The following MMP26 variants were observed in gnomAD, a reference collection of about 807,000 sequenced individuals.
The protein encoded by MMP26 is matrix metalloproteinase-26.
Under a neutral mutation model 31.0 loss-of-function variants are expected in MMP26, and 33 were observed. That is an observed-to-expected ratio of 1.06 (90% confidence interval 0.81 to 1.42). The LOEUF (loss-of-function observed/expected upper bound fraction) is 1.42. Among genes scored for constraint, MMP26 ranks in the 40% most tolerant of loss-of-function variants. The pLI is 0.00. For missense variants in MMP26, 347 were observed against 316.1 expected (o/e 1.10, Z -0.74); for synonymous variants, 122 against 114.9 (o/e 1.06, Z -0.40).
Position 4,974,951 on chromosome 11 carries a change from TCAGGGG to T in MMP26, c.-144-13116_-144-13111del, listed in dbSNP as rs1224237052. ...GAGGAACAACACACACTGGGGCCTGTCAGGGGTTGAGGTGGGGGGAGGGAGAGTATT... is the reference window on the plus strand; with the variant it reads ...GAGGAACAACACACACTGGGGCCTGTTTGAGGTGGGGGGAGGGAGAGTATT... On this transcript the variant is annotated intron_variant, in intron 2 of 7. Transcript: ENST00000380390. 1.8e-4 allele frequency among the ~76,000 whole-genome samples: 27 copies of T among 151,858 alleles called. 1 individual carries two copies. The highest frequency in any genetic ancestry group is 6.5e-4 in the African/African-American group (27 of 41,344).
intron 2 of MMP26, among the ~76,000 whole-genome samples, chr11:4,800,732 A>G (rs1233734557): frequency 6.6e-6 from 1 of 152,156 alleles, no homozygotes. Context: ...CCTTTTAAAT[A>G]TAAGTTCCTA....
intron 2 of MMP26, chr11:4,923,321 A>T: frequency 6.6e-7 from 1 of 1,509,746 alleles, no homozygotes; most frequent in South Asian, 1.4e-5. Flanking sequence ...ACAGCTGAAA[A>T]CAAACAGAAA....
At chr11:4,904,835 T>G (rs1850858813) in intron 2 of MMP26, among the ~76,000 whole-genome samples, 1 of 152,178 alleles carries the variant, frequency 6.6e-6, no homozygotes, top group Non-Finnish European at 1.5e-5. Context: ...TTTACATATT[T>G]GCTGAGAGCC....
At chr11:4,836,922 A>T (rs1393435829) in intron 2 of MMP26, among the ~76,000 whole-genome samples, 1 of 151,502 alleles carries the variant, frequency 6.6e-6, no homozygotes, top group African/African-American at 2.4e-5. Context: ...AAGTGCTGGG[A>T]TTACGGGCGT....
intron 1 of MMP26, among the ~76,000 whole-genome samples, chr11:4,741,359 T>C (rs570639197): frequency 1.3e-5 from 2 of 152,336 alleles, no homozygotes; most frequent in African/African-American, 4.8e-5. Context: ...CATGTATGTT[T>C]ATTGCAGCAC....
At chr11:4,898,349 T>A (rs1850744631) in intron 2 of MMP26, among the ~76,000 whole-genome samples, 1 of 152,086 alleles carries the variant, frequency 6.6e-6, no homozygotes, top group South Asian at 2.1e-4. Flanking sequence ...TTCTCTCTTT[T>A]TCTTTGGTTT....
chr11:4,809,529 G>A (rs1472474751), intron 2 of MMP26, among the ~76,000 whole-genome samples: 1 of 152,164 alleles, frequency 6.6e-6, no homozygotes, highest in Non-Finnish European at 1.5e-5. Flanking sequence ...GCCAGTGAGG[G>A]AATAGAAGAT....
At chr11:4,848,610 G>T (rs1378661147) in intron 2 of MMP26, 9 of 1,607,788 alleles carry the variant, frequency 5.6e-6, no homozygotes, top group African/African-American at 1.3e-5. Flanking sequence ...TGCACCCCAA[G>T]CTTCTGGGCA....
Position 4,774,079 on chromosome 11 carries a change from G to A in MMP26, c.-145+6738G>A, listed in dbSNP as rs150277161. ...GTTAACTCCATGTCCTTACTATTGC[G>A]AACAATGCTGCAATGAACATACATG... On this transcript the variant is annotated intron_variant, in intron 2 of 7. Transcript: ENST00000380390. 1.9e-3 allele frequency among the ~76,000 whole-genome samples: 284 copies of A among 152,190 alleles called. 6 individuals carry two copies. The East Asian group carries it at 0.043, about 23-fold the overall frequency.
chr11:4,875,306 C>T (rs1850364828), intron 2 of MMP26: 1 of 152,044 alleles, frequency 6.6e-6, no homozygotes, highest in African/African-American at 2.4e-5. Context: ...TGAAAAGGGA[C>T]TAAAGCAACT....
intron 2 of MMP26, among the ~76,000 whole-genome samples, chr11:4,970,152 A>T (rs1846646904): frequency 6.6e-6 from 1 of 152,232 alleles, no homozygotes. Context: ...CAAAAAACTC[A>T]CTGGTTTATA....
intron 2 of MMP26, chr11:4,945,973 G>C (rs1846292843): frequency 1.6e-6 from 1 of 616,920 alleles, no homozygotes; most frequent in Non-Finnish European, 2.9e-6. Flanking sequence ...ACTGAAATGG[G>C]GACATAAGGC....
chr11:4,842,749 T>A (rs12788447), intron 2 of MMP26, among the ~76,000 whole-genome samples: 14,490 of 152,014 alleles, frequency 0.095, 888 homozygotes, highest in Middle Eastern at 0.19. Context: ...TTCCCTATAG[T>A]CCCCCAAAGT....
At chr11:4,801,013 T>TCTTCA (rs1386798847) in intron 2 of MMP26, among the ~76,000 whole-genome samples, 1 of 152,216 alleles carries the variant, frequency 6.6e-6, no homozygotes, top group African/African-American at 2.4e-5. Context: ...TGTCCATATT[T>TCTTCA]CTTCACTTCA....
At chr11:4,925,910 C>T (rs1851265929) in intron 2 of MMP26, among the ~76,000 whole-genome samples, 1 of 151,956 alleles carries the variant, frequency 6.6e-6, no homozygotes, top group South Asian at 2.1e-4. Flanking sequence ...AAGGGCTTAC[C>T]TTATTAGTGG....
chr11:4,756,031 C>T (rs936127376), intron 1 of MMP26, among the ~76,000 whole-genome samples: 15 of 151,974 alleles, frequency 9.9e-5, no homozygotes, highest in African/African-American at 3.6e-4. Context: ...GTAAAAACTT[C>T]TGCAGAACTA....
At position 4,754,976 on chromosome 11, in the gene MMP26, C is replaced by T. The variant is rs55739047; in HGVS notation, c.-216-12294C>T. ...ACTTTGATTAATAGCTCTATGGTAG[C>T]TCTATAGATCTATAGATTTATAAAT... On this transcript the variant is annotated intron_variant, in intron 1 of 7. Transcript: ENST00000380390. Among the ~76,000 whole-genome samples, 1,482 of 152,002 alleles carry T rather than the reference C, an allele frequency of 9.7e-3. 23 individuals are homozygous for T. The highest frequency in any genetic ancestry group is 0.034 in the African/African-American group (1,397 of 41,512).
In MMP26 at chr11:4,824,517, C is replaced by A. The variant is rs114363653; in HGVS notation, c.-145+57176C>A. ...ATTGTTATGTGTAGCCTACAGAGTA[C>A]GGCAACTGCTGACCTTTGAAATGAA... On this transcript the variant is annotated intron_variant, in intron 2 of 7. Transcript: ENST00000380390. 3.6e-3 allele frequency among the ~76,000 whole-genome samples: 544 copies of A among 152,210 alleles called. 4 individuals are homozygous for A. The highest frequency in any genetic ancestry group is 0.012 in the African/African-American group (509 of 41,550).
chr11:4,930,869 ATACT>A (rs1442689937), intron 2 of MMP26, among the ~76,000 whole-genome samples: 3 of 151,962 alleles, frequency 2.0e-5, no homozygotes, highest in Non-Finnish European at 2.9e-5. Context: ...ATTTACATAC[ATACT>A]TTTATTTCTT....
Sources: allele counts gnomAD v4.1 joint callset (sites outside exome capture counted in the v4.1 genomes callset), GRCh38; gene constraint gnomAD v4.1.1; transcripts MANE v1.5; gene names NCBI Gene and HGNC (gene_info 2026-07-23, HGNC 2026-07-21).